The following KANSL1 variants were observed in gnomAD, a reference collection of about 807,000 sequenced individuals.
KANSL1 encodes MLL1/MLL complex subunit KANSL1.
Under a neutral mutation model 103.6 loss-of-function variants are expected in KANSL1, and 22 were observed. That is an observed-to-expected ratio of 0.21 (90% CI 0.15 to 0.30). The LOEUF is 0.30. Ranked by LOEUF, KANSL1 falls within the 10% of genes least tolerant of loss-of-function variation. The pLI is 1.00. For synonymous variants in KANSL1, 600 were observed against 527.6 expected (o/e 1.14, Z -1.88); for missense variants, 1,337 against 1,399.8 (o/e 0.96, Z 0.72).
chr17:46,132,127 C>CAA (rs1012201077), intron 2 of KANSL1, among the ~76,000 whole-genome samples: 61 of 142,080 alleles, frequency 4.3e-4, no homozygotes, highest in African/African-American at 1.5e-3. Context: ...AACTCCATCT[C>CAA]AAAAAAAAAA....
chr17:46,068,346 T>C (rs1276426141), intron 4 of KANSL1, among the ~76,000 whole-genome samples: 1 of 152,052 alleles, frequency 6.6e-6, no homozygotes, highest in Admixed American at 6.5e-5. Flanking sequence ...GGAGGATCTC[T>C]TGAGCCCAGG....
intron 1 of KANSL1, among the ~76,000 whole-genome samples, chr17:46,199,421 A>G (rs2047721509): frequency 6.6e-6 from 1 of 152,204 alleles, no homozygotes; most frequent in Admixed American, 6.5e-5. Flanking sequence ...AAAGCTCAGA[A>G]ATCAAGATTT....
intron 2 of KANSL1, among the ~76,000 whole-genome samples, chr17:46,131,797 C>G (rs545266342): frequency 1.3e-5 from 2 of 152,138 alleles, no homozygotes; most frequent in African/African-American, 2.4e-5. Context: ...GATAGCAACA[C>G]CACCACCACC....
chr17:46,142,920 A>G (rs1387515480), intron 2 of KANSL1, among the ~76,000 whole-genome samples: 1 of 152,254 alleles, frequency 6.6e-6, no homozygotes, highest in East Asian at 1.9e-4. Flanking sequence ...AGCAAAGCCT[A>G]TGTGCACAAA....
chr17:46,038,629 G>A lies in KANSL1; in HGVS notation c.2450C>T (p.Pro817Leu). ...CTGTCGCACCAAGGGACTGTGTGGA[G>A]GATGGTGGGTGGCTGCCAAGTAGCT... ...SSSYLAATHH[P>L]PHSPLVRQLS... is the part of the protein sequence containing the mutation. Residue 817 changes from proline (P) to leucine (L), a missense_variant, in exon 10 of 15, where the codon CCT (proline) becomes CTT (leucine). Physicochemically the swap from Pro to Leu is moderately conservative, Grantham distance 98. Transcript: ENST00000432791. 6.2e-7 allele frequency: 1 copy of A among 1,614,142 alleles called. No homozygotes were observed. The highest frequency in any genetic ancestry group is 1.1e-5 in the South Asian group (1 of 91,084).
chr17:46,124,878 T>C (rs140693257), intron 2 of KANSL1, among the ~76,000 whole-genome samples: 1 of 151,988 alleles, frequency 6.6e-6, no homozygotes, highest in East Asian at 1.9e-4. Flanking sequence ...TTAAGTTGAC[T>C]CTGACTCTCA....
At chr17:46,202,358 G>A (rs1354004165) in intron 1 of KANSL1, among the ~76,000 whole-genome samples, 1 of 152,156 alleles carries the variant, frequency 6.6e-6, no homozygotes, top group Non-Finnish European at 1.5e-5. Flanking sequence ...AAGCATTTCG[G>A]ATAAGGGATA....
At chr17:46,032,390 T>C in intron 13 of KANSL1, 91 bp from the exon 14 acceptor site, 1 of 1,168,628 alleles carries the variant, frequency 8.6e-7, no homozygotes, top group Non-Finnish European at 1.2e-6. Flanking sequence ...CTGGAGGAGT[T>C]GAGGCAAACA....
intron 7 of KANSL1, chr17:46,049,808 T>G (rs2077647788): frequency 6.6e-6 from 1 of 151,776 alleles, no homozygotes; most frequent in Non-Finnish European, 1.5e-5. Context: ...AGATTTGTGC[T>G]TATCTACACC....
At chr17:46,124,990 AAAGGGAAGGAAAGAAAGGG>A (rs1377481069) in intron 2 of KANSL1, among the ~76,000 whole-genome samples, 10 of 136,032 alleles carry the variant, frequency 7.4e-5, no homozygotes, top group South Asian at 5.0e-4. Context: ...AGAAGGAAAG[AAAGGGAAGGAAAGAAAGGG>A]AAGGGAAGGG....
At chr17:46,072,195 A>G (rs1221227180) in intron 4 of KANSL1, among the ~76,000 whole-genome samples, 3 of 152,214 alleles carry the variant, frequency 2.0e-5, no homozygotes, top group African/African-American at 4.8e-5. Flanking sequence ...TCTAAGAACC[A>G]ATGTCTACTA....
chr17:46,123,710 T>C (rs2043387484), intron 2 of KANSL1, among the ~76,000 whole-genome samples: 1 of 152,218 alleles, frequency 6.6e-6, no homozygotes, highest in African/African-American at 2.4e-5. Flanking sequence ...GTGAGGAAGC[T>C]GCAGAAGCAA....
intron 1 of KANSL1, among the ~76,000 whole-genome samples, chr17:46,217,617 C>A (rs2532413): frequency 0.14 from 21,809 of 150,736 alleles, 2,130 homozygotes; most frequent in Middle Eastern, 0.23. Flanking sequence ...GGCTGGGCGC[C>A]GTGGCTCACG....
intron 14 of KANSL1, 107 bp downstream of exon 14, chr17:46,031,940 C>A (rs537411529): frequency 1.3e-6 from 2 of 1,496,272 alleles, no homozygotes; most frequent in East Asian, 4.5e-5. Context: ...GCCCTTTGTC[C>A]CTTCAAAAGG....
rs552232662 is a variant in KANSL1 at position 46,208,104 on chromosome 17, C to T, written c.-90+15567G>A. Among the ~76,000 whole-genome samples the T allele has an allele frequency of 4.7e-5, 7 of 150,190 alleles. No homozygotes were observed. In the East Asian group the frequency reaches 1.2e-3, roughly 25 times the overall value. The stretch of plus-strand genomic sequence containing the variant: ...CCAACCTGGGTGAAAGGCAAAAATC[C>T]GTCTCAAAAAAAAAAAAAGTTTCAA... On this transcript the variant is annotated intron_variant, in intron 1 of 14. Coordinates refer to the KANSL1 transcript ENST00000572904.
At chr17:46,091,808 TG>T (rs2146919647) in intron 3 of KANSL1, among the ~76,000 whole-genome samples, 1 of 116,660 alleles carries the variant, frequency 8.6e-6, no homozygotes, top group South Asian at 2.4e-4. Context: ...TATGTATATA[TG>T]TAAGTATGTA....
chr17:46,165,788 G>A (rs548937346), intron 2 of KANSL1, among the ~76,000 whole-genome samples: 1 of 152,044 alleles, frequency 6.6e-6, no homozygotes, highest in Non-Finnish European at 1.5e-5. Flanking sequence ...TGGGATTACA[G>A]ACATGAGCCA....
chr17:46,116,898 A>G (rs893677220), intron 2 of KANSL1, among the ~76,000 whole-genome samples: 57 of 152,376 alleles, frequency 3.7e-4, no homozygotes, highest in African/African-American at 1.3e-3. Context: ...GTGTTTGAAA[A>G]TATATTTTAA....
At chr17:46,143,268 T>A (rs2044515752) in intron 2 of KANSL1, among the ~76,000 whole-genome samples, 1 of 152,142 alleles carries the variant, frequency 6.6e-6, no homozygotes, top group African/African-American at 2.4e-5. Flanking sequence ...CCGAGGCAGG[T>A]GGATCACCTG....
Sources: allele counts gnomAD v4.1 joint callset (sites outside exome capture counted in the v4.1 genomes callset), GRCh38; gene constraint gnomAD v4.1.1; transcripts MANE v1.5; gene names NCBI Gene and HGNC (gene_info 2026-07-23, HGNC 2026-07-21).